Variants in ALMS1 observed in about 807,000 individuals in gnomAD.
The protein encoded by ALMS1 is ALMS1 centrosome and basal body associated protein.
A neutral mutation model predicts 352.2 loss-of-function variants in ALMS1; 271 were observed. The observed-to-expected ratio is 0.77, with a 90% CI of 0.70 to 0.85. ALMS1 has a LOEUF of 0.85. ALMS1 is among the 40% of genes least tolerant of loss of function. ALMS1 has a pLI of 0.00. For missense variants in ALMS1, 5,445 were observed against 4,870.7 expected, an observed-to-expected ratio of 1.12 and a Z score of -3.51; for synonymous variants, 1,865 against 1,761.2, an observed-to-expected ratio of 1.06 and a Z score of -1.48.
intron 16 of ALMS1, among the ~76,000 whole-genome samples, chr2:73,580,994 G>A (rs1415862079): frequency 6.6e-6 from 1 of 152,196 alleles, no homozygotes; most frequent in African/African-American, 2.4e-5. Flanking sequence ...CCTTAGCCTT[G>A]CTTCCTACTT....
intron 9 of ALMS1, among the ~76,000 whole-genome samples, chr2:73,482,361 T>G (rs1672729053): frequency 6.6e-6 from 1 of 152,228 alleles, no homozygotes; most frequent in South Asian, 2.1e-4. Flanking sequence ...TTTGGCTCTG[T>G]TTATATGCTG....
At chr2:73,484,893 A>G (rs1192386300) in intron 9 of ALMS1, among the ~76,000 whole-genome samples, 1 of 151,816 alleles carries the variant, frequency 6.6e-6, no homozygotes, top group Non-Finnish European at 1.5e-5. Flanking sequence ...TGCATTCTTC[A>G]CATAGTTCTC....
intron 2 of ALMS1, among the ~76,000 whole-genome samples, chr2:73,414,489 G>GTTTGT (rs1671145452): frequency 1.1e-5 from 1 of 94,250 alleles, no homozygotes; most frequent in African/African-American, 4.5e-5. Context: ...TTTTTTTTTT[G>GTTTGT]TTTTTTTTTT....
chr2:73,589,401 T>C (rs893713936), intron 16 of ALMS1, among the ~76,000 whole-genome samples: 1 of 152,210 alleles, frequency 6.6e-6, no homozygotes, highest in Admixed American at 6.5e-5. Flanking sequence ...AGTACAGTTT[T>C]CTTTTAACTT....
chr2:73,438,887 A>T (rs962441154), intron 7 of ALMS1, among the ~76,000 whole-genome samples: 1 of 151,662 alleles, frequency 6.6e-6, no homozygotes, highest in Non-Finnish European at 1.5e-5. Context: ...TGGTGGATTG[A>T]TCCTTTACAA....
chr2:73,590,664 TTC>T (rs1294470113), intron 16 of ALMS1, among the ~76,000 whole-genome samples: 11 of 150,958 alleles, frequency 7.3e-5, no homozygotes, highest in Non-Finnish European at 1.3e-4. Flanking sequence ...TTTTTTTAAA[TTC>T]TGTTTTATTA....
At chr2:73,388,172 C>A (rs1670576744) in intron 1 of ALMS1, among the ~76,000 whole-genome samples, 1 of 152,202 alleles carries the variant, frequency 6.6e-6, no homozygotes, top group African/African-American at 2.4e-5. Flanking sequence ...CACTTGTTGA[C>A]TAGGTCTTCT....
At chr2:73,476,348 G>A (rs927712938) in intron 9 of ALMS1, among the ~76,000 whole-genome samples, 1 of 152,014 alleles carries the variant, frequency 6.6e-6, no homozygotes, top group Non-Finnish European at 1.5e-5. Context: ...GAATAGTGCT[G>A]CTGTGAACAT....
chr2:73,556,087 CATT>C (rs754579046), intron 13 of ALMS1, among the ~76,000 whole-genome samples: 12 of 152,062 alleles, frequency 7.9e-5, no homozygotes, highest in Non-Finnish European at 1.3e-4. Flanking sequence ...ACACAAGAAA[CATT>C]ATATTTGTAA....
chr2:73,526,200 G>T (rs1391639681), intron 11 of ALMS1, among the ~76,000 whole-genome samples: 5 of 152,130 alleles, frequency 3.3e-5, no homozygotes, highest in Non-Finnish European at 7.4e-5. Context: ...ATAATTTGAA[G>T]TTAGGTATTG....
chr2:73,386,161 A>C lies in ALMS1; in HGVS notation c.293A>C (p.Tyr98Ser), dbSNP rs1277558376. The C allele has an allele frequency of 6.4e-7, 1 of 1,551,890 alleles. No individual in the cohort carries two copies. Among genetic ancestry groups the C allele is most frequent in the Non-Finnish European group, 8.7e-7 (1 of 1,147,876 alleles). ...LPPLSPPQHR[Y>S]SEGERTSLEK... ...CCGCTGTCGCCCCCGCAGCACCGCT[A>C]CTCGGAGGGCGAGCGGACCTCCCTG... The change falls in exon 1 of 23, where the codon TAC becomes TCC. Residue 98 changes from tyrosine to serine, a missense_variant. By Grantham distance (144) the Tyr-to-Ser change is moderately radical. Transcript: ENST00000613296.
chr2:73,525,817 T>C (rs1390545839), intron 11 of ALMS1, among the ~76,000 whole-genome samples: 1 of 152,214 alleles, frequency 6.6e-6, no homozygotes, highest in Non-Finnish European at 1.5e-5. Context: ...TGGTTGCCTG[T>C]ATATGTGGGA....
chr2:73,395,437 T>C (rs1163913048), intron 1 of ALMS1, among the ~76,000 whole-genome samples: 1 of 152,186 alleles, frequency 6.6e-6, no homozygotes, highest in Non-Finnish European at 1.5e-5. Context: ...ATGGAAATGT[T>C]CTGATGTGGC....
chr2:73,481,208 C>T (rs1483109323), intron 9 of ALMS1, among the ~76,000 whole-genome samples: 3 of 152,000 alleles, frequency 2.0e-5, no homozygotes, highest in Non-Finnish European at 4.4e-5. Flanking sequence ...TTATGGTTTT[C>T]AGTCTAACAT....
chr2:73,558,228 A>G (rs922603094), intron 14 of ALMS1, among the ~76,000 whole-genome samples: 5 of 152,228 alleles, frequency 3.3e-5, no homozygotes, highest in Admixed American at 2.0e-4. Flanking sequence ...GAAAGTGGAT[A>G]TTAGAGGACA....
rs759914299 is a variant in ALMS1 at position 73,451,316 on chromosome 2, G to A, written c.4789G>A (p.Val1597Ile). ...DGHLPEEALK[V>I]SIVSGPTEKK... ...TCATCTACCTGAAGAGGCTCTGAAAGTTTCCATTGTTTCTGGACCTACTGA... is the reference window on the plus strand; with the variant it reads ...TCATCTACCTGAAGAGGCTCTGAAAATTTCCATTGTTTCTGGACCTACTGA... The change falls in exon 8 of 23, where the codon GTT becomes ATT. Residue 1597 changes from valine to isoleucine, a missense_variant. Val to Ile is a conservative substitution (Grantham distance 29). Transcript: ENST00000613296. The A allele has an allele frequency of 6.2e-6, 10 of 1,613,970 alleles. No homozygotes were observed. Among genetic ancestry groups the A allele is most frequent in the Non-Finnish European group, 1.7e-6 (2 of 1,180,004 alleles).
chr2:73,430,319 G>A (rs879596262), intron 6 of ALMS1, among the ~76,000 whole-genome samples: 18 of 152,092 alleles, frequency 1.2e-4, no homozygotes, highest in Admixed American at 9.2e-4. Flanking sequence ...TTCGTGATCC[G>A]CCCGCCTCGG....
chr2:73,535,156 T>C (rs1245363952), intron 12 of ALMS1, among the ~76,000 whole-genome samples: 1 of 152,198 alleles, frequency 6.6e-6, no homozygotes, highest in Non-Finnish European at 1.5e-5. Context: ...TGAAGGAAAT[T>C]GTATGGATCA....
At chr2:73,508,067 T>A (rs1673369370) in intron 10 of ALMS1, among the ~76,000 whole-genome samples, 1 of 152,104 alleles carries the variant, frequency 6.6e-6, no homozygotes. Flanking sequence ...GTTATTTAGT[T>A]TCCATGTAGT....
Sources: gnomAD v4.1 joint callset for allele counts (sites outside exome capture counted in the v4.1 genomes callset) on GRCh38, gnomAD v4.1.1 for gene constraint, MANE v1.5 for transcripts, NCBI Gene and HGNC (gene_info 2026-07-23, HGNC 2026-07-21) for gene names.